OPCML: variants seen among roughly 807,000 people sequenced by gnomAD.
The protein encoded by OPCML is opioid binding protein/cell adhesion molecule like, also known as opioid-binding protein/cell adhesion molecule.
OPCML carries 13 observed loss-of-function variants against 37.8 expected under a neutral mutation model. The observed-to-expected ratio is 0.34, with a 90% CI of 0.22 to 0.55. The LOEUF (loss-of-function observed/expected upper bound fraction) is 0.55. Ranked by LOEUF, OPCML falls within the 20% of genes least tolerant of loss-of-function variation. The probability of loss-of-function intolerance (pLI) is 0.91; values close to 1 mark genes in which losing one functional copy is unlikely to be tolerated. For synonymous variants in OPCML, 176 were observed against 168.8 expected, an observed-to-expected ratio of 1.04 and a Z score of -0.33; for missense variants, 341 against 435.6, an observed-to-expected ratio of 0.78 and a Z score of 1.93.
intron 1 of OPCML, among the ~76,000 whole-genome samples, chr11:133,425,994 G>A (rs752278721): frequency 2.6e-5 from 4 of 152,180 alleles, no homozygotes; most frequent in Non-Finnish European, 4.4e-5. Context: ...GTGCTAGGAA[G>A]TTGAGCATTG....
intron 1 of OPCML, among the ~76,000 whole-genome samples, chr11:133,408,609 C>G (rs1028619449): frequency 2.0e-5 from 3 of 152,262 alleles, no homozygotes; most frequent in East Asian, 1.9e-4. Flanking sequence ...GTCCTGGACA[C>G]GACACCACCC....
chr11:132,930,427 A>G (rs560667135), intron 2 of OPCML, among the ~76,000 whole-genome samples: 1 of 152,278 alleles, frequency 6.6e-6, no homozygotes, highest in East Asian at 1.9e-4. Context: ...GAAGAAGTAA[A>G]ACTATCTCTG....
At chr11:133,487,794 TGTGTGTGTGC>T (rs1947561534) in intron 1 of OPCML, among the ~76,000 whole-genome samples, 1 of 151,798 alleles carries the variant, frequency 6.6e-6, no homozygotes, top group South Asian at 2.1e-4. Context: ...TGTGTGTGTG[TGTGTGTGTGC>T]GTGTGTGTAA....
At chr11:132,651,707 A>G (rs1941437036) in intron 3 of OPCML, among the ~76,000 whole-genome samples, 2 of 152,156 alleles carry the variant, frequency 1.3e-5, no homozygotes, top group Non-Finnish European at 2.9e-5. Flanking sequence ...TTTTCTTTAC[A>G]AGCAAAACTC....
chr11:132,476,541 G>A (rs1425687072), intron 4 of OPCML, among the ~76,000 whole-genome samples: 1 of 152,048 alleles, frequency 6.6e-6, no homozygotes, highest in Non-Finnish European at 1.5e-5. Context: ...TCCTTTGTAG[G>A]GACATGGATG....
intron 1 of OPCML, among the ~76,000 whole-genome samples, chr11:133,247,016 T>G (rs1248725611): frequency 6.6e-6 from 1 of 151,926 alleles, no homozygotes; most frequent in African/African-American, 2.4e-5. Context: ...GAGACTAGAA[T>G]GAAAATAGAG....
intron 2 of OPCML, among the ~76,000 whole-genome samples, chr11:132,839,155 T>G (rs1941175943): frequency 6.6e-6 from 1 of 152,182 alleles, no homozygotes; most frequent in African/African-American, 2.4e-5. Flanking sequence ...AGCATTTTCA[T>G]CACCTTCATA....
intron 2 of OPCML, among the ~76,000 whole-genome samples, chr11:132,906,729 G>T (rs1944256629): frequency 6.6e-6 from 1 of 152,182 alleles, no homozygotes; most frequent in Admixed American, 6.5e-5. Context: ...GCTGAAAATG[G>T]AAGTAGATAT....
chr11:132,452,589 CT>C (rs1008089322), intron 4 of OPCML, among the ~76,000 whole-genome samples: 3 of 151,246 alleles, frequency 2.0e-5, no homozygotes, highest in African/African-American at 7.3e-5. Context: ...TCCTACTTTC[CT>C]TCCTTCCTGC....
rs190486009 is a variant in OPCML at position 132,769,212 on chromosome 11, T to A, written c.147-111893A>T. On this transcript the variant is annotated intron_variant, in intron 2 of 7. Coordinates refer to ENST00000524381, the MANE Select transcript of OPCML (RefSeq NM_001012393.5). ...GTGATAACTATGCTGAGTAGTTTTTTTGTATTTTTTTGTTTTTTGGTTTGT... is the reference window on the plus strand; with the variant it reads ...GTGATAACTATGCTGAGTAGTTTTTATGTATTTTTTTGTTTTTTGGTTTGT... Among the ~76,000 whole-genome samples, 668 of 151,750 alleles carry A rather than the reference T, an allele frequency of 4.4e-3. 5 individuals carry two copies. The highest frequency in any genetic ancestry group is 0.016 in the African/African-American group (641 of 41,316).
chr11:133,369,821 A>C (rs77553578), intron 1 of OPCML, among the ~76,000 whole-genome samples: 1 of 152,138 alleles, frequency 6.6e-6, no homozygotes, highest in Non-Finnish European at 1.5e-5. Flanking sequence ...TCACACTGAC[A>C]TGGTTGTATG....
chr11:132,485,928 C>T (rs1454112781), intron 4 of OPCML, among the ~76,000 whole-genome samples: 3 of 152,152 alleles, frequency 2.0e-5, no homozygotes, highest in African/African-American at 7.2e-5. Context: ...TGCAGTGCCA[C>T]AGTATAGGTG....
In OPCML at chr11:132,956,997, G is replaced by A. The variant is rs147871900; in HGVS notation, c.62-13987C>T. 1.7e-3 allele frequency among the ~76,000 whole-genome samples: 261 copies of A among 152,298 alleles called. 1 individual carries two copies. Among genetic ancestry groups the A allele is most frequent in the African/African-American group, 5.8e-3 (243 of 41,568 alleles). ...ATTTTAAAAAACAGGCAGATGTGCT[G>A]CCTCATGCCTCTAGTCCAAGATACT... On this transcript the variant is annotated intron_variant, in intron 1 of 7. Transcript: ENST00000524381.
intron 1 of OPCML, among the ~76,000 whole-genome samples, chr11:133,124,734 G>C (rs1247610442): frequency 6.6e-6 from 1 of 151,996 alleles, no homozygotes; most frequent in Non-Finnish European, 1.5e-5. Context: ...CATCTGATTT[G>C]GATCCTCAAA....
At chr11:133,366,907 A>C (rs1252392575) in intron 1 of OPCML, among the ~76,000 whole-genome samples, 1 of 152,180 alleles carries the variant, frequency 6.6e-6, no homozygotes, top group Non-Finnish European at 1.5e-5. Flanking sequence ...GGAGGTGGAC[A>C]CCCAGCGGGA....
intron 3 of OPCML, among the ~76,000 whole-genome samples, chr11:132,559,571 T>C (rs1180659061): frequency 3.9e-5 from 6 of 152,120 alleles, no homozygotes; most frequent in Admixed American, 3.9e-4. Flanking sequence ...TTCAATTTTT[T>C]CCACTCCAAA....
intron 3 of OPCML, among the ~76,000 whole-genome samples, chr11:132,567,175 A>G (rs1261958864): frequency 6.6e-6 from 1 of 152,122 alleles, no homozygotes; most frequent in Non-Finnish European, 1.5e-5. Context: ...CTCCTCACTG[A>G]ATACTTCTTT....
At chr11:132,832,439 A>G (rs1015198012) in intron 2 of OPCML, among the ~76,000 whole-genome samples, 4 of 152,204 alleles carry the variant, frequency 2.6e-5, no homozygotes, top group African/African-American at 9.7e-5. Context: ...GATATCCTTC[A>G]TTTACGGACA....
intron 2 of OPCML, among the ~76,000 whole-genome samples, chr11:132,668,235 T>C (rs893607436): frequency 1.3e-5 from 2 of 152,228 alleles, no homozygotes; most frequent in African/African-American, 4.8e-5. Context: ...TTCTTCTAAG[T>C]TCATATTGAC....
Sources: gnomAD v4.1 joint callset for allele counts (sites outside exome capture counted in the v4.1 genomes callset) on GRCh38, gnomAD v4.1.1 for gene constraint, MANE v1.5 for transcripts, NCBI Gene and HGNC (gene_info 2026-07-23, HGNC 2026-07-21) for gene names.